Variants in ULK4 observed in about 807,000 individuals in gnomAD.
ULK4 encodes the protein inactive serine/threonine-protein kinase ULK4.
ULK4 carries 133 observed loss-of-function variants against 160.6 expected under a neutral mutation model. That is an observed-to-expected ratio of 0.83 (90% CI 0.72 to 0.96). The LOEUF (loss-of-function observed/expected upper bound fraction) is 0.96. ULK4 is among the 40% of genes least tolerant of loss of function. The pLI is 0.00. For synonymous variants in ULK4, 534 were observed against 539.8 expected, an observed-to-expected ratio of 0.99 and a Z score of 0.15; for missense variants, 1,580 against 1,499.5, an observed-to-expected ratio of 1.05 and a Z score of -0.89.
At chr3:41,320,697 A>G (rs12489381) in intron 35 of ULK4, among the ~76,000 whole-genome samples, 17,828 of 142,948 alleles carry the variant, frequency 0.12, 1,420 homozygotes, top group African/African-American at 0.2. Context: ...CAGGCGGATT[A>G]CTTGAGGTCA....
At chr3:41,795,571 C>T (rs1275665589) in intron 20 of ULK4, among the ~76,000 whole-genome samples, 1 of 152,150 alleles carries the variant, frequency 6.6e-6, no homozygotes, top group African/African-American at 2.4e-5. Flanking sequence ...ATAAAATAAA[C>T]ATAACTAATT....
At chr3:41,806,986 C>G (rs1287674074) in intron 19 of ULK4, among the ~76,000 whole-genome samples, 1 of 151,864 alleles carries the variant, frequency 6.6e-6, no homozygotes, top group Non-Finnish European at 1.5e-5. Flanking sequence ...CTTGTCTCTA[C>G]CAAGCATGGT....
intron 21 of ULK4, among the ~76,000 whole-genome samples, chr3:41,757,055 ATAAAC>A (rs58117041): frequency 0.31 from 46,446 of 151,594 alleles, 10,166 homozygotes; most frequent in African/African-American, 0.63. Flanking sequence ...AAAAAACCAC[ATAAAC>A]TAGAGTATTT....
intron 30 of ULK4, among the ~76,000 whole-genome samples, chr3:41,660,584 C>T (rs2125756792): frequency 6.6e-6 from 1 of 152,220 alleles, no homozygotes; most frequent in South Asian, 2.1e-4. Flanking sequence ...CTTCTTCATC[C>T]CTTCCTTAAG....
At chr3:41,836,000 T>G (rs1249890129) in intron 17 of ULK4, 29 bp from the exon 18 acceptor site, 13 of 1,319,250 alleles carry the variant, frequency 9.9e-6, no homozygotes, top group Non-Finnish European at 1.4e-5. Context: ...AAAAAGTAAA[T>G]TATTTCAAAT....
At chr3:41,707,201 C>CA (rs1475537302) in intron 25 of ULK4, among the ~76,000 whole-genome samples, 2 of 152,064 alleles carry the variant, frequency 1.3e-5, no homozygotes, top group Non-Finnish European at 2.9e-5. Context: ...ATACATAGTT[C>CA]ATACAAACAG....
chr3:41,419,481 T>C (rs1310212844), intron 34 of ULK4, among the ~76,000 whole-genome samples: 1 of 152,076 alleles, frequency 6.6e-6, no homozygotes, highest in Non-Finnish European at 1.5e-5. Context: ...AGATACAAAT[T>C]TGGAAATCCT....
intron 32 of ULK4, among the ~76,000 whole-genome samples, chr3:41,471,135 T>C (rs1275257873): frequency 1.3e-5 from 2 of 150,462 alleles, no homozygotes; most frequent in African/African-American, 2.4e-5. Context: ...ACACACAAAC[T>C]GAAAGTGAAG....
chr3:41,704,426 C>A (rs538685252), intron 27 of ULK4, among the ~76,000 whole-genome samples: 1 of 152,312 alleles, frequency 6.6e-6, no homozygotes, highest in South Asian at 2.1e-4. Context: ...CTGCTCCTTG[C>A]ACCATAAGCT....
intron 30 of ULK4, among the ~76,000 whole-genome samples, chr3:41,648,092 C>T (rs1011257144): frequency 2.6e-5 from 4 of 152,182 alleles, no homozygotes; most frequent in African/African-American, 7.2e-5. Context: ...TTCCAGGTGC[C>T]GTCTGTCACC....
At chr3:41,741,167 G>A (rs923126780) in intron 22 of ULK4, among the ~76,000 whole-genome samples, 5 of 151,534 alleles carry the variant, frequency 3.3e-5, no homozygotes, top group Admixed American at 3.3e-4. Context: ...TTTAATTATA[G>A]GAGTGAAACA....
chr3:41,930,403 C>T (rs974105500), intron 5 of ULK4, among the ~76,000 whole-genome samples: 2 of 152,106 alleles, frequency 1.3e-5, no homozygotes, highest in African/African-American at 4.8e-5. Flanking sequence ...AAAACCTAGG[C>T]AATACCATTC....
intron 32 of ULK4, among the ~76,000 whole-genome samples, chr3:41,515,707 G>C (rs1157738969): frequency 6.6e-6 from 1 of 152,208 alleles, no homozygotes; most frequent in Non-Finnish European, 1.5e-5. Flanking sequence ...CACTCATTAT[G>C]AGGAGAACAG....
intron 31 of ULK4, among the ~76,000 whole-genome samples, chr3:41,571,122 G>C (rs1003946704): frequency 6.6e-6 from 1 of 152,152 alleles, no homozygotes; most frequent in South Asian, 2.1e-4. Context: ...CATGAACTTT[G>C]CTCAGAATAA....
rs1024714654 is a variant in ULK4 at position 41,775,357 on chromosome 3, G to A, written c.2193+14304C>T. ...GTATTAATAATATCCATATCCACAT[G>A]CTAATGAATATAAGAAAATAATATA... On this transcript the variant is annotated intron_variant, in intron 21 of 36. Coordinates refer to ENST00000301831, the MANE Select transcript of ULK4 (RefSeq NM_017886.4). Among the ~76,000 whole-genome samples, 125 of 149,470 alleles carry A rather than the reference G, an allele frequency of 8.4e-4. 10 individuals are homozygous for A. Among genetic ancestry groups the A allele is most frequent in the African/African-American group, 3.1e-3 (123 of 39,546 alleles).
intron 19 of ULK4, among the ~76,000 whole-genome samples, chr3:41,801,662 C>A (rs1204371361): frequency 6.6e-6 from 1 of 151,910 alleles, no homozygotes; most frequent in Non-Finnish European, 1.5e-5. Context: ...CCAGCATGGG[C>A]AACATAGCAA....
rs575064056 is a variant in ULK4, at chr3:41,565,440, T to C, written c.3226+585A>G. ...ATAATGGCATTAAGAGGATGGGAAA[T>C]CCAATTATGGTATTTGAGAGGTGAG... is the stretch of plus-strand genomic sequence containing the variant. On this transcript the variant is annotated intron_variant, in intron 32 of 36. Transcript: ENST00000301831. Among the ~76,000 whole-genome samples the C allele has an allele frequency of 2.0e-5, 3 of 152,290 alleles. No homozygotes were observed. The East Asian group carries it at 5.8e-4, about 29-fold the overall frequency.
chr3:41,587,269 T>C lies in ULK4; in HGVS notation c.3121-21139A>G, dbSNP rs73830277. 4.3e-3 allele frequency among the ~76,000 whole-genome samples: 652 copies of C among 152,322 alleles called. 3 individuals are homozygous for C. Among genetic ancestry groups the C allele is most frequent in the African/African-American group, 0.012 (501 of 41,584 alleles). ...ATTCTCTGGCATTCATTCCTTCTCA[T>C]ATTTTGAGTATCTCTGATTTCCTAT... On this transcript the variant is annotated intron_variant, in intron 31 of 36. Transcript: ENST00000301831.
intron 18 of ULK4, among the ~76,000 whole-genome samples, chr3:41,827,021 C>A (rs991255940): frequency 2.0e-5 from 3 of 150,902 alleles, no homozygotes; most frequent in Admixed American, 6.6e-5. Context: ...AAAACCGCTC[C>A]ACTACATGGA....
Sources: gnomAD v4.1 joint callset for allele counts (sites outside exome capture counted in the v4.1 genomes callset) on GRCh38, gnomAD v4.1.1 for gene constraint, MANE v1.5 for transcripts, NCBI Gene and HGNC (gene_info 2026-07-23, HGNC 2026-07-21) for gene names.